The following RBFOX1 variants were observed in gnomAD, a reference collection of about 807,000 sequenced individuals.
RBFOX1 encodes the protein RNA binding fox-1 homolog 1, also known as RNA binding protein fox-1 homolog 1.
RBFOX1 carries 8 observed loss-of-function variants against 57.7 expected under a neutral mutation model. The ratio of observed to expected loss-of-function variants is 0.14; its 90% CI spans 0.08 to 0.25. The LOEUF (loss-of-function observed/expected upper bound fraction) is 0.25, where lower values mean the gene tolerates loss of function less well. Among genes scored for constraint, RBFOX1 ranks in the 10% least tolerant of loss-of-function variants. The pLI is 1.00. For missense variants in RBFOX1, 611 were observed against 548.5 expected, an observed-to-expected ratio of 1.11 and a Z score of -1.14; for synonymous variants, 326 against 222.4, an observed-to-expected ratio of 1.47 and a Z score of -4.15.
intron 5 of RBFOX1, among the ~76,000 whole-genome samples, chr16:7,550,784 T>A (rs2086141061): frequency 6.6e-6 from 1 of 152,018 alleles, no homozygotes; most frequent in Non-Finnish European, 1.5e-5. Flanking sequence ...ACTACCTGTC[T>A]TCACCCAGAC....
chr16:7,180,172 T>A (rs973731493), intron 4 of RBFOX1, among the ~76,000 whole-genome samples: 7 of 145,586 alleles, frequency 4.8e-5, no homozygotes, highest in African/African-American at 1.7e-4. Flanking sequence ...ATTATTATAA[T>A]ATAATAATAT....
intron 4 of RBFOX1, among the ~76,000 whole-genome samples, chr16:5,918,133 A>G (rs974824740): frequency 1.3e-5 from 2 of 152,036 alleles, no homozygotes; most frequent in African/African-American, 4.8e-5. Flanking sequence ...TATTGTTATT[A>G]TTTTGAGACA....
intron 1 of RBFOX1, among the ~76,000 whole-genome samples, chr16:6,157,447 G>T (rs1307367454): frequency 2.6e-5 from 4 of 152,110 alleles, no homozygotes; most frequent in East Asian, 1.9e-4. Flanking sequence ...AGTCATTTCA[G>T]TTGTTTATCT....
At chr16:6,350,109 A>C (rs925209010) in intron 2 of RBFOX1, among the ~76,000 whole-genome samples, 1 of 152,186 alleles carries the variant, frequency 6.6e-6, no homozygotes, top group Non-Finnish European at 1.5e-5. Flanking sequence ...TATTGGATTC[A>C]ATTTATTTGT....
chr16:7,439,238 G>A (rs2098746851), intron 4 of RBFOX1, among the ~76,000 whole-genome samples: 1 of 152,128 alleles, frequency 6.6e-6, no homozygotes, highest in Non-Finnish European at 1.5e-5. Context: ...CAAAACATCT[G>A]AATCATATGA....
intron 1 of RBFOX1, among the ~76,000 whole-genome samples, chr16:6,316,246 A>C (rs2081111102): frequency 6.6e-6 from 1 of 152,116 alleles, no homozygotes; most frequent in South Asian, 2.1e-4. Context: ...TTCTGGTAGG[A>C]GATGACCTCT....
intron 3 of RBFOX1, among the ~76,000 whole-genome samples, chr16:5,710,813 G>C (rs1313388109): frequency 2.0e-5 from 3 of 152,192 alleles, no homozygotes; most frequent in Admixed American, 1.3e-4. Flanking sequence ...GGTTGCATTT[G>C]TGTGCCAGGC....
At chr16:6,312,481 G>A (rs1345944171) in intron 1 of RBFOX1, among the ~76,000 whole-genome samples, 1 of 152,118 alleles carries the variant, frequency 6.6e-6, no homozygotes, top group Non-Finnish European at 1.5e-5. Flanking sequence ...AACCTAGATA[G>A]GGTGAGGTTT....
intron 4 of RBFOX1, among the ~76,000 whole-genome samples, chr16:7,164,650 A>G (rs1303357350): frequency 6.6e-6 from 1 of 152,252 alleles, no homozygotes; most frequent in Non-Finnish European, 1.5e-5. Flanking sequence ...ACACACAAAT[A>G]CAAACACACA....
chr16:7,664,772 C>A (rs1418688092), intron 12 of RBFOX1, 157 bp from the exon 13 acceptor site: 10 of 1,335,272 alleles, frequency 7.5e-6, no homozygotes, highest in Non-Finnish European at 9.3e-6. Flanking sequence ...GCTCAACTGC[C>A]GTTGTCTCCA....
intron 3 of RBFOX1, among the ~76,000 whole-genome samples, chr16:6,882,687 A>G (rs888933012): frequency 6.6e-6 from 1 of 152,150 alleles, no homozygotes; most frequent in South Asian, 2.1e-4. Context: ...CTGTATGGAT[A>G]ACAACCATTC....
intron 3 of RBFOX1, among the ~76,000 whole-genome samples, chr16:6,824,379 A>G (rs1603629206): frequency 1.3e-5 from 2 of 152,320 alleles, no homozygotes; most frequent in Admixed American, 1.3e-4. Context: ...GCATGCTCCA[A>G]TCTGGGCAAC....
At chr16:5,856,204 T>TATATAC in intron 3 of RBFOX1, among the ~76,000 whole-genome samples, 1 of 44,878 alleles carries the variant, frequency 2.2e-5, no homozygotes, top group Non-Finnish European at 5.0e-5. Context: ...TATATATATA[T>TATATAC]ATACATATAT....
intron 2 of RBFOX1, among the ~76,000 whole-genome samples, chr16:6,445,223 C>A (rs180968015): frequency 1.3e-5 from 2 of 151,882 alleles, no homozygotes; most frequent in African/African-American, 4.8e-5. Context: ...CTGAGATTTT[C>A]TTCCTTTTTT....
intron 4 of RBFOX1, among the ~76,000 whole-genome samples, chr16:5,999,703 T>C (rs2060554731): frequency 6.6e-6 from 1 of 150,920 alleles, no homozygotes; most frequent in African/African-American, 2.4e-5. Context: ...CTACTAAAAA[T>C]ACAAAAAATT....
intron 1 of RBFOX1, among the ~76,000 whole-genome samples, chr16:6,093,816 C>T (rs1219639806): frequency 1.3e-5 from 2 of 151,604 alleles, no homozygotes; most frequent in African/African-American, 2.4e-5. Flanking sequence ...ATGGGGGTCT[C>T]ACTGTGTTGC....
intron 1 of RBFOX1, among the ~76,000 whole-genome samples, chr16:6,175,053 C>G (rs2096993236): frequency 6.6e-6 from 1 of 152,114 alleles, no homozygotes; most frequent in South Asian, 2.1e-4. Context: ...TACGTATCTC[C>G]CAGAGTTGTT....
intron 2 of RBFOX1, among the ~76,000 whole-genome samples, chr16:6,458,097 G>T (rs1567321718): frequency 3.3e-5 from 5 of 152,346 alleles, no homozygotes; most frequent in South Asian, 4.1e-4. Flanking sequence ...CAGGGCTGGG[G>T]AAGTTTGAAG....
chr16:7,203,667 A>G (rs11077147), intron 4 of RBFOX1, among the ~76,000 whole-genome samples: 44,128 of 152,022 alleles, frequency 0.29, 6,617 homozygotes, highest in Non-Finnish European at 0.32. Context: ...GGGTCCCTCT[A>G]TGTGTGAGCC....
Sources: gnomAD v4.1 joint callset for allele counts (sites outside exome capture counted in the v4.1 genomes callset) on GRCh38, gnomAD v4.1.1 for gene constraint, MANE v1.5 for transcripts, NCBI Gene and HGNC (gene_info 2026-07-23, HGNC 2026-07-21) for gene names.